Variants in CD207 observed in about 807,000 individuals in gnomAD.
CD207 encodes C-type lectin domain family 4 member K.
CD207 carries 28 observed loss-of-function variants against 31.6 expected under a neutral mutation model. That is an observed-to-expected ratio of 0.89 (90% CI 0.66 to 1.21). CD207 has a LOEUF of 1.21. Among genes scored for constraint, CD207 ranks in the 50% most tolerant of loss-of-function variants. The probability of loss-of-function intolerance (pLI) is 0.00; values close to 1 mark genes in which losing one functional copy is unlikely to be tolerated. For synonymous variants in CD207, 168 were observed against 153.9 expected (o/e 1.09, Z -0.68); for missense variants, 388 against 397.8 (o/e 0.98, Z 0.21).
chr2:70,831,864 C>T (rs782177411), intron 4 of CD207, 45 bp from the exon 5 acceptor site: 5 of 1,232,970 alleles, frequency 4.1e-6, no homozygotes, highest in African/African-American at 1.5e-5. Context: ...ACACTTGGAG[C>T]TTGATCATCT....
intron 2 of CD207, 77 bp downstream of exon 2, chr2:70,835,414 G>T (rs1251036490): frequency 1.0e-6 from 1 of 955,414 alleles, no homozygotes; most frequent in African/African-American, 1.6e-5. Flanking sequence ...GGAGAGCAGG[G>T]AAGTGGTCTC....
At position 70,831,774 on chromosome 2, in the gene CD207, G is replaced by A. The variant is rs1677480700; in HGVS notation, c.763C>T (p.Leu255=). 1 of 1,613,514 alleles carries A rather than the reference G, an allele frequency of 6.2e-7. No homozygotes were observed. Among genetic ancestry groups the A allele is most frequent in the Non-Finnish European group, 8.5e-7 (1 of 1,179,582 alleles). The change falls in exon 5 of 6, where the codon CTG becomes TTG. Residue 255 remains leucine (L), a synonymous_variant. Coordinates refer to ENST00000410009, the MANE Select transcript of CD207 (RefSeq NM_015717.5). ...TCCCCTTCCATCCCTGCTTTAGTCA[G>A]GCCAATCCAGTAGATGAGTCCCCCC... The part of the protein sequence containing the change: ...TAGGLIYWIG[L]TKAGMEGDWS...
chr2:70,826,189 G>T (rs1297853402), downstream of CD207, among the ~76,000 whole-genome samples: 1 of 151,886 alleles, frequency 6.6e-6, no homozygotes, highest in African/African-American at 2.4e-5. Flanking sequence ...AGTAATTATG[G>T]AATCTCAGAA....
rs781825176 is a variant in CD207 at position 70,831,131 on chromosome 2, T to C, written c.906A>G (p.Ser302=). The change falls in exon 6 of 6, where the codon TCA becomes TCG. Residue 302 remains serine, a synonymous_variant. Coordinates refer to ENST00000410009, the MANE Select transcript of CD207 (RefSeq NM_015717.5). Reference sequence around the variant, plus strand: ...ATGGGGCATCATTCCAGGCCTGAAGTGAGGGAGCCTTTATATTGCCACAGT... The same window carrying C: ...ATGGGGCATCATTCCAGGCCTGAAGCGAGGGAGCCTTTATATTGCCACAGT... The part of the protein sequence containing the change: ...NEHCGNIKAP[S]LQAWNDAPCD... 1.9e-6 allele frequency: 3 copies of C among 1,613,650 alleles called. No individual in the cohort carries two copies. In the African/African-American group the frequency reaches 4.0e-5, roughly 22 times the overall value.
downstream of CD207, among the ~76,000 whole-genome samples, chr2:70,825,226 T>A (rs1429505748): frequency 1.3e-5 from 2 of 152,066 alleles, no homozygotes; most frequent in African/African-American, 4.8e-5. Context: ...CTCAAAACTG[T>A]CAAAGTCTTC....
At position 70,835,757 on chromosome 2, in the gene CD207, G is replaced by GC; in HGVS notation, c.19dup (p.Ala7GlyfsTer3). On this transcript the variant is annotated frameshift_variant, in exon 1 of 6. Transcript: ENST00000410009. LOFTEE classifies it high-confidence loss of function. ...GTCCACAGTGAAGTGCGCATCAGGGGCCTCCTTCTCCACAGTCATCCTGAG... is the reference window on the plus strand; with the variant it reads ...GTCCACAGTGAAGTGCGCATCAGGGGCCCTCCTTCTCCACAGTCATCCTGAG... 1.9e-6 allele frequency: 3 copies of GC among 1,612,522 alleles called. No individual in the cohort carries two copies. The highest frequency in any genetic ancestry group is 2.5e-6 in the Non-Finnish European group (3 of 1,179,340).
downstream of CD207, among the ~76,000 whole-genome samples, chr2:70,828,580 G>T (rs887850413): frequency 1.3e-5 from 2 of 152,356 alleles, no homozygotes; most frequent in South Asian, 4.1e-4. Context: ...AACGGGAGCA[G>T]CCGGAGCCCT....
chr2:70,830,348 A>G lies in CD207; in HGVS notation c.*702T>C. 1 of 153,040 alleles carries G rather than the reference A, an allele frequency of 6.5e-6. No individual in the cohort carries two copies. The highest frequency in any genetic ancestry group is 1.5e-5 in the Non-Finnish European group (1 of 68,408). 9.5% of individuals were successfully genotyped at this position (153,040 alleles called of 1,614,324 possible). On this transcript the variant is annotated 3_prime_UTR_variant, in exon 6 of 6. Coordinates refer to ENST00000410009, the MANE Select transcript of CD207 (RefSeq NM_015717.5). ...AGGAGGAGGAGGTGCCGGAGAGGTG[A>G]GGACAGGGGCTGGATGGACGCTGGG...
At chr2:70,827,814 T>A (rs1269863039), downstream of CD207, among the ~76,000 whole-genome samples, 1 of 151,800 alleles carries the variant, frequency 6.6e-6, no homozygotes, top group Non-Finnish European at 1.5e-5. Flanking sequence ...GATAGATCAA[T>A]AAAGCATAAA....
In CD207 at chr2:70,831,703, C is replaced by T. The variant is rs1335417142; in HGVS notation, c.834G>A (p.Val278=). 1.7e-5 allele frequency: 27 copies of T among 1,600,498 alleles called. No homozygotes were observed. The highest frequency in any genetic ancestry group is 1.5e-4 in the Admixed American group (9 of 59,986). Residue 278 remains valine, a splice_region_variant and synonymous_variant, in exon 5 of 6, where the codon GTG becomes GTA. Coordinates refer to ENST00000410009, the MANE Select transcript of CD207 (RefSeq NM_015717.5). The stretch of plus-strand genomic sequence containing the variant: ...CACGGAGGGCTCCAGGGGCTTACCT[C>T]ACACTTTGGACCTTGTTGAATGGCG... ...DDTPFNKVQS[V]RFWIPGEPNN... is the part of the protein sequence containing the mutation.
chr2:70,827,498 C>G (rs1677373313), downstream of CD207, among the ~76,000 whole-genome samples: 1 of 152,208 alleles, frequency 6.6e-6, no homozygotes, highest in Admixed American at 6.5e-5. Context: ...GGTGGGGTCA[C>G]CAAGGGAGCC....
chr2:70,833,603 T>C (rs1574395726), intron 3 of CD207, 43 bp downstream of exon 3: 1 of 1,537,400 alleles, frequency 6.5e-7, no homozygotes, highest in Non-Finnish European at 8.8e-7. Flanking sequence ...TAAGATCCCA[T>C]GGGCCACTGG....
rs782054386 is a variant in CD207 at position 70,831,821 on chromosome 2, T to C, written c.718-2A>G. On this transcript the variant is annotated splice_acceptor_variant, in intron 4 of 5. Coordinates refer to ENST00000410009, the MANE Select transcript of CD207 (RefSeq NM_015717.5). LOFTEE classifies it high-confidence loss of function. ...CCCCGCTGTTTTATACAGAAACTCCTGTAGGAAAGACAGGATAAGCAGAGG... is the reference window on the plus strand; with the variant it reads ...CCCCGCTGTTTTATACAGAAACTCCCGTAGGAAAGACAGGATAAGCAGAGG... The C allele has an allele frequency of 6.3e-7, 1 of 1,579,306 alleles. No individual in the cohort carries two copies. Among genetic ancestry groups the C allele is most frequent in the Non-Finnish European group, 8.7e-7 (1 of 1,148,694 alleles).
rs782487009 is a variant in CD207, at chr2:70,833,674, C to G, written c.537G>C (p.Glu179Asp). 1 of 1,612,676 alleles carries G rather than the reference C, an allele frequency of 6.2e-7. No individual in the cohort carries two copies. Among genetic ancestry groups the G allele is most frequent in the Admixed American group, 1.7e-5 (1 of 59,804 alleles). ...TKIRALQGSL[E>D]NMSKLLKRQN... ...GTCGTTTGAGCAACTTGCTCATATT[C>G]TCCAAGCTGCCCTGGAGTGCCCGGA... is the stretch of plus-strand genomic sequence containing the variant. The change falls in exon 3 of 6, where the codon GAG becomes GAC. Residue 179 changes from glutamate (E) to aspartate (D), a missense_variant. Coordinates refer to ENST00000410009, the MANE Select transcript of CD207 (RefSeq NM_015717.5).
At chr2:70,827,642 G>A (rs571223482), downstream of CD207, among the ~76,000 whole-genome samples, 69 of 151,696 alleles carry the variant, frequency 4.5e-4, no homozygotes, top group African/African-American at 3.9e-4. Context: ...GTGTGTGCGC[G>A]CACACACACA....
At chr2:70,835,024 G>A (rs1553400723) in intron 2 of CD207, among the ~76,000 whole-genome samples, 1 of 152,214 alleles carries the variant, frequency 6.6e-6, no homozygotes, top group Non-Finnish European at 1.5e-5. Context: ...ACTGAGTCAT[G>A]GAGATCTGTT....
At position 70,831,146 on chromosome 2, in the gene CD207, A is replaced by G; in HGVS notation, c.891T>C (p.Asn297=). 3 of 1,613,880 alleles carry G rather than the reference A, an allele frequency of 1.9e-6. No homozygotes were observed. Among genetic ancestry groups the G allele is most frequent in the South Asian group, 1.1e-5 (1 of 91,074 alleles). Residue 297 remains asparagine (N), a synonymous_variant, in exon 6 of 6, where the codon AAT becomes AAC. Coordinates refer to ENST00000410009, the MANE Select transcript of CD207 (RefSeq NM_015717.5). Reference sequence around the variant, plus strand: ...AGGCCTGAAGTGAGGGAGCCTTTATATTGCCACAGTGTTCATTGTTCCCAG... The same window carrying G: ...AGGCCTGAAGTGAGGGAGCCTTTATGTTGCCACAGTGTTCATTGTTCCCAG... The part of the protein sequence containing the change: ...NNAGNNEHCG[N]IKAPSLQAWN...
chr2:70,831,905 G>T, intron 4 of CD207, 86 bp from the exon 5 acceptor site: 1 of 863,154 alleles, frequency 1.2e-6, no homozygotes, highest in South Asian at 1.4e-5. Context: ...TGCGCTCAGT[G>T]ACAGCCCTGA....
At chr2:70,829,891 A>G (rs1487757987), downstream of CD207, among the ~76,000 whole-genome samples, 1 of 152,122 alleles carries the variant, frequency 6.6e-6, no homozygotes, top group Non-Finnish European at 1.5e-5. Context: ...ATGCCTGTGG[A>G]ACTGGGTCTC....
Sources: allele counts gnomAD v4.1 joint callset (sites outside exome capture counted in the v4.1 genomes callset), GRCh38; gene constraint gnomAD v4.1.1; transcripts MANE v1.5; gene names NCBI Gene and HGNC (gene_info 2026-07-23, HGNC 2026-07-21).